Variants in COL4A6 observed in about 807,000 individuals in gnomAD.
COL4A6 encodes the protein collagen type IV alpha 6 chain.
Under a neutral mutation model 126.7 loss-of-function variants are expected in COL4A6, and 59 were observed. The ratio of observed to expected loss-of-function variants is 0.47; its 90% confidence interval spans 0.38 to 0.58. COL4A6 has a LOEUF of 0.58. COL4A6 is among the 20% of genes least tolerant of loss of function. The probability of loss-of-function intolerance (pLI) is 0.00; values close to 1 mark genes in which losing one functional copy is unlikely to be tolerated. For missense variants in COL4A6, 1,285 were observed against 1,337.3 expected (o/e 0.96, Z 0.61); for synonymous variants, 547 against 496.6 (o/e 1.10, Z -1.35).
At chrX:108,386,921 G>A (rs184165428) in intron 2 of COL4A6, among the ~76,000 whole-genome samples, 2 of 111,824 alleles carry the variant, frequency 1.8e-5, no homozygotes, top group East Asian at 5.6e-4. Context: ...TCCAGTTTCT[G>A]CTCTCTGCAT....
chrX:108,342,601 C>T (rs1302422366), intron 2 of COL4A6, among the ~76,000 whole-genome samples: 2 of 111,808 alleles, frequency 1.8e-5, no homozygotes, highest in Non-Finnish European at 3.8e-5. Flanking sequence ...AGCAATGGCA[C>T]ATTCTACGAA....
intron 3 of COL4A6, among the ~76,000 whole-genome samples, chrX:108,265,234 A>AG (rs1000491642): frequency 7.2e-5 from 8 of 110,811 alleles, no homozygotes; most frequent in African/African-American, 2.3e-4. Context: ...ATAATGATCT[A>AG]GGGGGGGCTT....
chrX:108,167,145 A>C (rs111842901), intron 37 of COL4A6, among the ~76,000 whole-genome samples: 17 of 112,236 alleles, frequency 1.5e-4, no homozygotes, highest in South Asian at 1.1e-3. Context: ...TAACAATAAA[A>C]CACTTTAAAT....
intron 35 of COL4A6, among the ~76,000 whole-genome samples, chrX:108,170,371 C>A (rs1434375500): frequency 8.9e-6 from 1 of 112,314 alleles, no homozygotes; most frequent in Non-Finnish European, 1.9e-5. Flanking sequence ...AAAGGCTACA[C>A]ATGCCAGGGC....
intron 2 of COL4A6, among the ~76,000 whole-genome samples, chrX:108,342,700 ATTC>A (rs1235221149): frequency 2.7e-5 from 3 of 111,638 alleles, no homozygotes; most frequent in South Asian, 7.5e-4. Context: ...CTTTTGCTAA[ATTC>A]TTTGGGCCTG....
chrX:108,309,765 A>T (rs1472076009), intron 3 of COL4A6, among the ~76,000 whole-genome samples: 1 of 104,796 alleles, frequency 9.5e-6, no homozygotes, highest in Admixed American at 1.0e-4. Context: ...AGAAATGGGA[A>T]GTTCTGAACT....
At position 108,314,497 on chromosome X, in the gene COL4A6, T is replaced by A. The variant is rs749611163; in HGVS notation, c.64-3669A>T. ...ACTGGGTAAGTGTCTCATGTTGTTA[T>A]GGGAGAGTCTTTGCAATGTTCCTAA... On this transcript the variant is annotated intron_variant, in intron 2 of 44. Coordinates refer to ENST00000334504, the MANE Select transcript of COL4A6 (RefSeq NM_033641.4). Among the ~76,000 whole-genome samples the A allele has an allele frequency of 5.3e-5, 6 of 112,160 alleles. No individual in the cohort carries two copies. The Admixed American group carries it at 5.7e-4, about 11-fold the overall frequency.
chrX:108,339,431 T>C (rs1169562356), intron 2 of COL4A6, among the ~76,000 whole-genome samples: 1 of 111,528 alleles, frequency 9.0e-6, no homozygotes, highest in African/African-American at 3.3e-5. Context: ...CATGTTCTCT[T>C]CCTCTTCCTA....
intron 2 of COL4A6, among the ~76,000 whole-genome samples, chrX:108,394,046 C>A (rs1355761806): frequency 1.8e-5 from 2 of 112,010 alleles, no homozygotes; most frequent in African/African-American, 6.5e-5. Context: ...CAATGATAGA[C>A]TGGATAAAGA....
intron 2 of COL4A6, among the ~76,000 whole-genome samples, chrX:108,324,383 C>T (rs1015352703): frequency 8.9e-6 from 1 of 111,913 alleles, no homozygotes; most frequent in Non-Finnish European, 1.9e-5. Flanking sequence ...AACACACAAA[C>T]AGGCAAACTA....
At chrX:108,185,689 C>T (rs756166934) in intron 23 of COL4A6, among the ~76,000 whole-genome samples, 11 of 112,193 alleles carry the variant, frequency 9.8e-5, no homozygotes, top group African/African-American at 3.6e-4. Flanking sequence ...AAATATTAGT[C>T]TCCTATGGAA....
At chrX:108,384,958 T>C (rs2040650696) in intron 2 of COL4A6, among the ~76,000 whole-genome samples, 1 of 111,402 alleles carries the variant, frequency 9.0e-6, no homozygotes. Context: ...AAGGATCAAA[T>C]GTCACAGTTA....
At chrX:108,383,439 C>A in intron 2 of COL4A6, 1 of 495,903 alleles carries the variant, frequency 2.0e-6, no homozygotes, top group Non-Finnish European at 3.8e-6. Context: ...TGGGCTATCC[C>A]TGTGCCTCCT....
At chrX:108,285,529 A>G (rs903623749) in intron 3 of COL4A6, among the ~76,000 whole-genome samples, 5 of 111,481 alleles carry the variant, frequency 4.5e-5, no homozygotes, top group African/African-American at 1.3e-4. Flanking sequence ...GCAACTGGAA[A>G]GCACCCAGGC....
chrX:108,179,124 A>G (rs1311010603), intron 26 of COL4A6, 93 bp downstream of exon 26: 6 of 864,595 alleles, frequency 6.9e-6, no homozygotes, highest in Middle Eastern at 6.4e-4. Context: ...TAATTAAACC[A>G]TCACCCCAGA....
chrX:108,384,607 G>C (rs2040641310), intron 2 of COL4A6, among the ~76,000 whole-genome samples: 1 of 111,604 alleles, frequency 9.0e-6, no homozygotes, highest in Non-Finnish European at 1.9e-5. Context: ...TCCATTCTGA[G>C]GGAATAGAAT....
intron 44 of COL4A6, 56 bp from the exon 45 acceptor site, chrX:108,157,316 G>T: frequency 5.1e-6 from 6 of 1,175,430 alleles, no homozygotes; most frequent in East Asian, 3.0e-5. Context: ...TTGGTGTGGG[G>T]AGGGGATGGG....
chrX:108,421,889 T>C (rs2063986949), intron 2 of COL4A6, among the ~76,000 whole-genome samples: 1 of 112,307 alleles, frequency 8.9e-6, no homozygotes, highest in South Asian at 3.7e-4. Context: ...TGGTCATATA[T>C]GTGTTCATTA....
At chrX:108,242,313 T>C (rs2036594554) in intron 3 of COL4A6, among the ~76,000 whole-genome samples, 1 of 111,831 alleles carries the variant, frequency 8.9e-6, no homozygotes, top group Non-Finnish European at 1.9e-5. Context: ...ATTTACACTG[T>C]TGTACAACCG....
Sources: allele counts gnomAD v4.1 joint callset (sites outside exome capture counted in the v4.1 genomes callset), GRCh38; gene constraint gnomAD v4.1.1; transcripts MANE v1.5; gene names NCBI Gene and HGNC (gene_info 2026-07-23, HGNC 2026-07-21).